Variants in TGFBR3 observed in about 807,000 individuals in gnomAD.
The protein encoded by TGFBR3 is transforming growth factor beta receptor 3, also known as transforming growth factor beta receptor type 3.
Under a neutral mutation model 87.9 loss-of-function variants are expected in TGFBR3, and 46 were observed. The observed-to-expected ratio is 0.52, with a 90% confidence interval of 0.41 to 0.67. The LOEUF is 0.67. Among genes scored for constraint, TGFBR3 ranks in the 30% least tolerant of loss-of-function variants. TGFBR3 has a pLI of 0.00. For synonymous variants in TGFBR3, 381 were observed against 391.6 expected, an observed-to-expected ratio of 0.97 and a Z score of 0.32; for missense variants, 866 against 1,041.9, an observed-to-expected ratio of 0.83 and a Z score of 2.32.
chr1:91,820,134 G>A (rs2101058136), intron 2 of TGFBR3, among the ~76,000 whole-genome samples: 1 of 152,296 alleles, frequency 6.6e-6, no homozygotes, highest in South Asian at 2.1e-4. Context: ...TTCAGAGGGT[G>A]TAGTCATTCA....
chr1:91,764,835 A>G (rs2100914423), intron 3 of TGFBR3, among the ~76,000 whole-genome samples: 1 of 152,228 alleles, frequency 6.6e-6, no homozygotes, highest in South Asian at 2.1e-4. Flanking sequence ...CCAGCTCACA[A>G]TGCCATCTCC....
chr1:91,753,195 G>A (rs936286124), intron 4 of TGFBR3, among the ~76,000 whole-genome samples: 21 of 151,422 alleles, frequency 1.4e-4, no homozygotes, highest in African/African-American at 4.9e-4. Context: ...AGATTAGCCT[G>A]GACAATATGG....
chr1:91,876,463 T>C (rs1222342517), intron 1 of TGFBR3, among the ~76,000 whole-genome samples: 1 of 152,170 alleles, frequency 6.6e-6, no homozygotes, highest in African/African-American at 2.4e-5. Flanking sequence ...AATGCTAGGC[T>C]TCGCACCTCC....
At chr1:91,836,960 T>C (rs980545434) in intron 2 of TGFBR3, among the ~76,000 whole-genome samples, 5 of 152,204 alleles carry the variant, frequency 3.3e-5, no homozygotes, top group Non-Finnish European at 5.9e-5. Context: ...TGTTTAACAT[T>C]TGATTTAAAC....
intron 3 of TGFBR3, among the ~76,000 whole-genome samples, chr1:91,793,542 C>A (rs1263027368): frequency 6.6e-6 from 1 of 152,146 alleles, no homozygotes; most frequent in Non-Finnish European, 1.5e-5. Flanking sequence ...AGGTGGCTCA[C>A]ACCTGTAATC....
At chr1:91,730,872 G>A (rs983071176) in intron 5 of TGFBR3, among the ~76,000 whole-genome samples, 2 of 152,198 alleles carry the variant, frequency 1.3e-5, no homozygotes, top group Non-Finnish European at 2.9e-5. Flanking sequence ...AAGTGCTTTC[G>A]CAAACATTAT....
Position 91,760,831 on chromosome 1 carries a change from A to T in TGFBR3, c.247-2081T>A, listed in dbSNP as rs188688718. Among the ~76,000 whole-genome samples, 4 of 152,354 alleles carry T rather than the reference A, an allele frequency of 2.6e-5. No individual in the cohort carries two copies. The East Asian group carries it at 7.7e-4, about 29-fold the overall frequency. On this transcript the variant is annotated intron_variant, in intron 3 of 16. Transcript: ENST00000212355. ...AAACAGATTGATAGCCACTGAGAAG[A>T]AGAGATGCTATAGAAATAGCAGAAG...
At chr1:91,846,234 G>T (rs959073671) in intron 2 of TGFBR3, among the ~76,000 whole-genome samples, 2 of 152,218 alleles carry the variant, frequency 1.3e-5, no homozygotes, top group Admixed American at 6.5e-5. Context: ...ACTTTCTCCT[G>T]CAGGCATTAG....
At chr1:91,762,782 G>A (rs1327472483) in intron 3 of TGFBR3, among the ~76,000 whole-genome samples, 1 of 151,552 alleles carries the variant, frequency 6.6e-6, no homozygotes, top group African/African-American at 2.4e-5. Context: ...TAGGTCTTCT[G>A]CAGTTACCTG....
At chr1:91,799,619 G>T (rs1675526474) in intron 2 of TGFBR3, among the ~76,000 whole-genome samples, 2 of 152,180 alleles carry the variant, frequency 1.3e-5, no homozygotes, top group African/African-American at 4.8e-5. Flanking sequence ...CTCCTGCCAT[G>T]AATTTACAAT....
chr1:91,816,634 A>G (rs964653998), intron 2 of TGFBR3, among the ~76,000 whole-genome samples: 1 of 152,218 alleles, frequency 6.6e-6, no homozygotes, highest in African/African-American at 2.4e-5. Flanking sequence ...ATATTTTGAA[A>G]ATCACTAGAA....
At chr1:91,866,767 C>T (rs1167348817) in intron 1 of TGFBR3, 1 of 152,002 alleles carries the variant, frequency 6.6e-6, no homozygotes, top group African/African-American at 2.4e-5. Context: ...TGAGGATAAG[C>T]GAAGATTTTA....
chr1:91,849,679 G>C (rs1677642226), intron 2 of TGFBR3, among the ~76,000 whole-genome samples: 1 of 152,062 alleles, frequency 6.6e-6, no homozygotes. Context: ...TATCTGTTTT[G>C]TTTACTACTA....
chr1:91,828,549 G>A (rs1676729583), intron 2 of TGFBR3, among the ~76,000 whole-genome samples: 1 of 152,198 alleles, frequency 6.6e-6, no homozygotes, highest in South Asian at 2.1e-4. Flanking sequence ...GAGTTCATAA[G>A]GAATTATCAT....
At chr1:91,697,268 A>G (rs1011879116) in intron 15 of TGFBR3, among the ~76,000 whole-genome samples, 4 of 152,280 alleles carry the variant, frequency 2.6e-5, no homozygotes, top group African/African-American at 9.6e-5. Context: ...ATTGTTCCAT[A>G]ATTTAAAAAA....
intron 2 of TGFBR3, among the ~76,000 whole-genome samples, chr1:91,800,259 C>T (rs439875): frequency 0.11 from 13,884 of 130,754 alleles, 1,240 homozygotes; most frequent in East Asian, 0.42. Flanking sequence ...TATATATACA[C>T]ACACACACAC....
At chr1:91,813,690 C>A (rs1237404449) in intron 2 of TGFBR3, among the ~76,000 whole-genome samples, 1 of 152,184 alleles carries the variant, frequency 6.6e-6, no homozygotes, top group African/African-American at 2.4e-5. Flanking sequence ...GAGTCCAGGG[C>A]AGGCTGGAAA....
chr1:91,732,735 GGT>G (rs1672820213), intron 5 of TGFBR3, among the ~76,000 whole-genome samples: 1 of 152,184 alleles, frequency 6.6e-6, no homozygotes, highest in African/African-American at 2.4e-5. Context: ...GGGTTCCGAA[GGT>G]GTTACCAAGG....
chr1:91,683,995 C>T (rs1571403584), intron 16 of TGFBR3, 138 bp from the exon 17 acceptor site: 1 of 717,198 alleles, frequency 1.4e-6, no homozygotes, highest in Non-Finnish European at 2.4e-6. Flanking sequence ...TAGACTAGGT[C>T]CTAGATGGCT....
Sources: gnomAD v4.1 joint callset for allele counts (sites outside exome capture counted in the v4.1 genomes callset) on GRCh38, gnomAD v4.1.1 for gene constraint, MANE v1.5 for transcripts, NCBI Gene and HGNC (gene_info 2026-07-23, HGNC 2026-07-21) for gene names.